The following SLX4 variants were observed in gnomAD, a reference collection of about 807,000 sequenced individuals.
SLX4 encodes structure-specific endonuclease subunit SLX4.
A neutral mutation model predicts 146.2 loss-of-function variants in SLX4; 112 were observed. The observed-to-expected ratio is 0.77, with a 90% CI of 0.66 to 0.90. The LOEUF (loss-of-function observed/expected upper bound fraction) is 0.90, where lower values mean the gene tolerates loss of function less well. Among genes scored for constraint, SLX4 ranks in the 40% least tolerant of loss-of-function variants. The pLI, the probability that SLX4 is intolerant of heterozygous loss-of-function variation, is 0.00. For synonymous variants in SLX4, 1,061 were observed against 997.7 expected, an observed-to-expected ratio of 1.06 and a Z score of -1.20; for missense variants, 2,563 against 2,392.7, an observed-to-expected ratio of 1.07 and a Z score of -1.49.
intron 3 of SLX4, among the ~76,000 whole-genome samples, chr16:3,602,759 A>G (rs1236689116): frequency 6.6e-6 from 1 of 152,112 alleles, no homozygotes; most frequent in East Asian, 1.9e-4. Flanking sequence ...TTCAAAACTC[A>G]CCCTTTCCTG....
chr16:3,605,495 T>C (rs921212677), intron 3 of SLX4, among the ~76,000 whole-genome samples: 2 of 152,010 alleles, frequency 1.3e-5, no homozygotes, highest in Admixed American at 6.5e-5. Context: ...AGTTTTGGGA[T>C]TATAGGCATG....
rs200455476 is a variant in SLX4, at chr16:3,594,627, C to T, written c.2014-28G>A. On this transcript the variant is annotated intron_variant, in intron 9 of 14. Coordinates refer to ENST00000294008, the MANE Select transcript of SLX4 (RefSeq NM_032444.4). ...GAAGCAGGAGGAGAGGAAGAGCCGT[C>T]ACCTCCCCACCTCTGCTCTGCTAAC... The T allele has an allele frequency of 1.2e-4, 190 of 1,613,674 alleles. 1 individual carries two copies. The highest frequency in any genetic ancestry group is 2.2e-4 in the Admixed American group (13 of 60,002).
chr16:3,600,710 C>A (rs2040717001), intron 5 of SLX4: 2 of 371,616 alleles, frequency 5.4e-6, no homozygotes, highest in Non-Finnish European at 1.0e-5. Context: ...AAGTGATTCT[C>A]CTGCCTCAGC....
chr16:3,611,138 C>T (rs78928283), intron 1 of SLX4, among the ~76,000 whole-genome samples: 11,942 of 152,306 alleles, frequency 0.078, 507 homozygotes, highest in African/African-American at 0.11. Context: ...CCGCAGCCCA[C>T]GGCTCACAGC....
chr16:3,594,985 C>G (rs537064318), intron 9 of SLX4, among the ~76,000 whole-genome samples: 1 of 152,322 alleles, frequency 6.6e-6, no homozygotes, highest in Admixed American at 6.5e-5. Flanking sequence ...TGAGTCCAAG[C>G]AGCTCGGGGA....
At position 3,596,272 on chromosome 16, in the gene SLX4, G is replaced by C. The variant is rs956483964; in HGVS notation, c.1805C>G (p.Pro602Arg). The change falls in exon 8 of 15, where the codon CCT becomes CGT. Residue 602 changes from proline (P) to arginine (R), a missense_variant. Transcript: ENST00000294008. Reference protein sequence around the residue: ...TAGCGSRGPSPSASQREHQAL... With the variant: ...TAGCGSRGPSRSASQREHQAL... ...CTGGTGCTCCCTCTGGCTGGCCGAAGGCGACGGGCCCCTGGAGCCACAGCC... is the reference window on the plus strand; with the variant it reads ...CTGGTGCTCCCTCTGGCTGGCCGAACGCGACGGGCCCCTGGAGCCACAGCC... 1.7e-5 allele frequency: 26 copies of C among 1,565,064 alleles called. No homozygotes were observed. The highest frequency in any genetic ancestry group is 2.2e-5 in the Non-Finnish European group (25 of 1,156,162).
rs768613016 is a variant in SLX4, at chr16:3,602,245, C to G, written c.823G>C (p.Glu275Gln). ...GCCGATGCTCCTACCCGTGCAAACT[C>G]CTGCTGCAGGGTCAAGGCCACCGCA... is the stretch of plus-strand genomic sequence containing the variant. ...DAAVALTLQQ[E>Q]FARVGASAHD... The change falls in exon 4 of 15, where the codon GAG becomes CAG. Residue 275 changes from glutamate to glutamine, a missense_variant. Transcript: ENST00000294008. The G allele has an allele frequency of 1.2e-6, 2 of 1,614,204 alleles. No individual in the cohort carries two copies. Among genetic ancestry groups the G allele is most frequent in the Admixed American group, 3.3e-5 (2 of 60,030 alleles).
At chr16:3,596,741 C>T (rs970455592) in intron 7 of SLX4, among the ~76,000 whole-genome samples, 1 of 152,172 alleles carries the variant, frequency 6.6e-6, no homozygotes. Flanking sequence ...GGCTACCTGC[C>T]GCACGACTGT....
Position 3,594,657 on chromosome 16 carries a change from C to A in SLX4, c.2014-58G>T, listed in dbSNP as rs2040631344. The stretch of plus-strand genomic sequence containing the variant: ...CCCCACCTCTGCTCTGCTAACTGGG[C>A]AGTGGGAAGCTCCCCGCATGGAGGT... On this transcript the variant is annotated intron_variant, in intron 9 of 14. Coordinates refer to ENST00000294008, the MANE Select transcript of SLX4 (RefSeq NM_032444.4). 1.6e-5 allele frequency: 25 copies of A among 1,610,930 alleles called. No individual in the cohort carries two copies. The South Asian group carries it at 2.6e-4, about 17-fold the overall frequency.
Position 3,590,493 on chromosome 16 carries a change from G to A in SLX4, c.3145C>T (p.His1049Tyr). 1 of 1,613,898 alleles carries A rather than the reference G, an allele frequency of 6.2e-7. No homozygotes were observed. The highest frequency in any genetic ancestry group is 8.5e-7 in the Non-Finnish European group (1 of 1,179,816). Residue 1049 changes from histidine (H) to tyrosine (Y), a missense_variant, in exon 12 of 15, where the codon CAT (histidine) becomes TAT (tyrosine). Transcript: ENST00000294008. The surrounding 1 kb of genome is among the most constrained non-coding windows in gnomAD (Gnocchi z 4.8). ...GACAGGGACGACCCACTTGTGTGAT[G>A]AGACCCGCGGGGACTCCCGCCCTGG... ...PPQGGSPRGS[H>Y]HTSGSSLSTP...
intron 3 of SLX4, among the ~76,000 whole-genome samples, chr16:3,606,167 C>T (rs1014242718): frequency 4.0e-5 from 6 of 151,602 alleles, no homozygotes; most frequent in Non-Finnish European, 7.4e-5. Context: ...AAGATAATTG[C>T]TTGAACCTGG....
Position 3,597,655 on chromosome 16 carries a change from T to TG in SLX4, c.1406dup (p.Leu470IlefsTer8), listed in dbSNP as rs774532876. ...TTTCAGAGTCCTGGACTAACAACAA[T>TG]GGGGGGGATACCGGGGGTTTCTTCT... On this transcript the variant is annotated frameshift_variant, in exon 7 of 15. Transcript: ENST00000294008. LOFTEE classifies it high-confidence loss of function. The surrounding 1 kb of genome is among the most constrained non-coding windows in gnomAD (Gnocchi z 4.4). 24 of 1,519,340 alleles carry TG rather than the reference T, an allele frequency of 1.6e-5. No individual in the cohort carries two copies. Among genetic ancestry groups the TG allele is most frequent in the Non-Finnish European group, 1.9e-5 (21 of 1,123,842 alleles). 94.1% of individuals were successfully genotyped at this position (1,519,340 alleles called of 1,614,324 possible). A position where few individuals can be genotyped will look rare whatever the true frequency, so the allele number is the denominator to read the frequency against.
chr16:3,601,581 G>A (rs1422710646), intron 4 of SLX4: 1 of 337,568 alleles, frequency 3.0e-6, no homozygotes, highest in African/African-American at 2.1e-5. Context: ...ATAAACCATG[G>A]TCATATTCCT....
Position 3,590,160 on chromosome 16 carries a change from C to T in SLX4, c.3478G>A (p.Glu1160Lys). 1 of 1,614,202 alleles carries T rather than the reference C, an allele frequency of 6.2e-7. No homozygotes were observed. Among genetic ancestry groups the T allele is most frequent in the Non-Finnish European group, 8.5e-7 (1 of 1,180,040 alleles). The change falls in exon 12 of 15, where the codon GAG (glutamate) becomes AAG (lysine). Residue 1160 changes from glutamate (E) to lysine (K), a missense_variant. Transcript: ENST00000294008. This position sits in a 1 kb window ranked among gnomAD's most constrained non-coding sequence, Gnocchi z 4.8. Reference sequence around the variant, plus strand: ...ATTTTGGTTTGTTCTAGCTCCAGCTCCTCATCCGAGTCCAGTAAGAGGATG... The same window carrying T: ...ATTTTGGTTTGTTCTAGCTCCAGCTTCTCATCCGAGTCCAGTAAGAGGATG... Reference protein sequence around the residue: ...EVILLLDSDEELELEQTKMKS... With the variant: ...EVILLLDSDEKLELEQTKMKS...
At position 3,606,710 on chromosome 16, in the gene SLX4, G is replaced by A. The variant is rs1190879833; in HGVS notation, c.536-12C>T. ...GTTGGGCACATTCTCTGGCAAGGAGGAAAATATTCACAACCATCTGTTGTA... is the reference window on the plus strand; with the variant it reads ...GTTGGGCACATTCTCTGGCAAGGAGAAAAATATTCACAACCATCTGTTGTA... On this transcript the variant is annotated splice_polypyrimidine_tract_variant and intron_variant, in intron 2 of 14. Coordinates refer to ENST00000294008, the MANE Select transcript of SLX4 (RefSeq NM_032444.4). 3 of 1,613,382 alleles carry A rather than the reference G, an allele frequency of 1.9e-6. No homozygotes were observed. The highest frequency in any genetic ancestry group is 1.3e-5 in the African/African-American group (1 of 74,902).
Position 3,589,444 on chromosome 16 carries a change from ACT to A in SLX4, c.4192_4193del (p.Ser1398Ter), listed in dbSNP as rs1461992867. 3 of 1,604,356 alleles carry A rather than the reference ACT, an allele frequency of 1.9e-6. No individual in the cohort carries two copies. Among genetic ancestry groups the A allele is most frequent in the African/African-American group, 1.3e-5 (1 of 74,682 alleles). On this transcript the variant is annotated frameshift_variant, in exon 12 of 15. Transcript: ENST00000294008. LOFTEE classifies it high-confidence loss of function. The surrounding 1 kb of genome is among the most constrained non-coding windows in gnomAD (Gnocchi z 6.2). Reference protein sequence around the residue: ...PAGEVVEVGDSDDEQEVASHQ... With the variant: ...PAGEVVEVGDXDDEQEVASHQ... ...GGGAGGCCACCTCCTGCTCATCGTCACTGTCTCCGACTTCCACCACTTCACCC... is the reference window on the plus strand; with the variant it reads ...GGGAGGCCACCTCCTGCTCATCGTCAGTCTCCGACTTCCACCACTTCACCC...
intron 5 of SLX4, 78 bp from the exon 6 acceptor site, chr16:3,598,077 A>T: frequency 6.4e-7 from 1 of 1,552,738 alleles, no homozygotes; most frequent in Non-Finnish European, 8.9e-7. Context: ...TGGTCTGGAG[A>T]GGGCTGGGCC....
chr16:3,600,993 G>T lies in SLX4; in HGVS notation c.1149C>A (p.Ser383Arg). 1 of 1,613,698 alleles carries T rather than the reference G, an allele frequency of 6.2e-7. No homozygotes were observed. The highest frequency in any genetic ancestry group is 2.2e-5 in the East Asian group (1 of 44,882). Residue 383 changes from serine to arginine, a missense_variant, in exon 5 of 15, where the codon AGC becomes AGA. Transcript: ENST00000294008. ...CGTCGACTTACCTGAACATGGGTGG[G>T]CTGCTGCTACCCTCAGGCTGTGCTG... is the stretch of plus-strand genomic sequence containing the variant. ...LQTAQPEGSS[S>R]PPMFSFSDHS...
rs550716603 is a variant in SLX4 at position 3,605,008 on chromosome 16, C to T, written c.760+1466G>A. 2.0e-5 allele frequency among the ~76,000 whole-genome samples: 3 copies of T among 150,276 alleles called. No homozygotes were observed. The South Asian group carries it at 6.3e-4, about 32-fold the overall frequency. ...GCAATCACAGCTCACTGCAGCTCAA[C>T]GTCCTGGGCTCAAGCAATCCTCCCA... On this transcript the variant is annotated intron_variant, in intron 3 of 14. Transcript: ENST00000294008.
Sources: allele counts gnomAD v4.1 joint callset (sites outside exome capture counted in the v4.1 genomes callset), GRCh38; gene constraint gnomAD v4.1.1; non-coding constraint Gnocchi (gnomAD v3.1); transcripts MANE v1.5; gene names NCBI Gene and HGNC (gene_info 2026-07-23, HGNC 2026-07-21).